The following KANSL3 variants were observed in gnomAD, a reference collection of about 807,000 sequenced individuals.
KANSL3 encodes KAT8 regulatory NSL complex subunit 3.
In KANSL3, 16 loss-of-function variants were observed where a neutral mutation model predicts 89.2. The ratio of observed to expected loss-of-function variants is 0.18; its 90% CI spans 0.12 to 0.27. The LOEUF is 0.27. Ranked by LOEUF, KANSL3 falls within the 10% of genes least tolerant of loss-of-function variation. The probability of loss-of-function intolerance (pLI) is 1.00; values close to 1 mark genes in which losing one functional copy is unlikely to be tolerated. For missense variants in KANSL3, 879 were observed against 1,110.6 expected, an observed-to-expected ratio of 0.79 and a Z score of 2.96; for synonymous variants, 385 against 419.7, an observed-to-expected ratio of 0.92 and a Z score of 1.01.
At chr2:96,608,333 G>A (rs1361521545) in intron 14 of KANSL3, among the ~76,000 whole-genome samples, 175 bp downstream of exon 14, 1 of 152,180 alleles carries the variant, frequency 6.6e-6, no homozygotes. Context: ...CTAACTCAGA[G>A]GCCTTGGCAT....
rs1267891358 is a variant in KANSL3 at position 96,602,876 on chromosome 2, T to C, written c.2150-14A>G. Reference sequence around the variant, plus strand: ...CTGATGTGGCCCCTAAGAGAGGACATAGCAGGAATCAGTAGAGACTCAATC... The same window carrying C: ...CTGATGTGGCCCCTAAGAGAGGACACAGCAGGAATCAGTAGAGACTCAATC... On this transcript the variant is annotated splice_polypyrimidine_tract_variant and intron_variant, in intron 17 of 20. Coordinates refer to ENST00000431828, the MANE Select transcript of KANSL3 (RefSeq NM_001115016.3). The C allele has an allele frequency of 2.5e-6, 4 of 1,611,976 alleles. No individual in the cohort carries two copies. The highest frequency in any genetic ancestry group is 2.2e-5 in the East Asian group (1 of 44,840).
At position 96,602,178 on chromosome 2, in the gene KANSL3, C is replaced by A; in HGVS notation, c.2420G>T (p.Gly807Val). The change falls in exon 19 of 21, where the codon GGG becomes GTG. Residue 807 changes from glycine (G) to valine (V), a missense_variant. Physicochemically the swap from Gly to Val is moderately radical, Grantham distance 109. This residue lies in a region of KANSL3 where 89 missense variants were observed against 139.7 expected (regional missense o/e 0.64). Transcript: ENST00000431828. ...GCTGCTTGCCAACTTAGCGAGGCCC[C>A]CATTGGTCAGCAGCTGGTGGATGGC... Reference protein sequence around the residue: ...PTAIHQLLTNGGLAKLASSLP... With the variant: ...PTAIHQLLTNVGLAKLASSLP... The A allele has an allele frequency of 6.2e-7, 1 of 1,604,154 alleles. No homozygotes were observed. The highest frequency in any genetic ancestry group is 2.2e-5 in the East Asian group (1 of 44,448).
chr2:96,599,230 T>C (rs1402121592), intron 20 of KANSL3, among the ~76,000 whole-genome samples: 2 of 152,134 alleles, frequency 1.3e-5, no homozygotes, highest in Non-Finnish European at 1.5e-5. Context: ...TCACTTAACA[T>C]ACAAAAGTGA....
intron 2 of KANSL3, among the ~76,000 whole-genome samples, chr2:96,633,647 C>G (rs1324148073): frequency 6.6e-6 from 1 of 151,460 alleles, no homozygotes. Flanking sequence ...ATGCGGATTG[C>G]CTGAGCTCAG....
In KANSL3 at chr2:96,615,165, CAAAAA is replaced by C. The variant is rs35960339; in HGVS notation, c.664-1551_664-1547del. On this transcript the variant is annotated intron_variant, in intron 5 of 20. Coordinates refer to ENST00000431828, the MANE Select transcript of KANSL3 (RefSeq NM_001115016.3). ...CCTGGGAAACAGAGGGAGACTGTCTCAAAAAAAAAAAAAAAAAAAAAAAGACAAAA... is the reference window on the plus strand; with the variant it reads ...CCTGGGAAACAGAGGGAGACTGTCTCAAAAAAAAAAAAAAAAAAGACAAAA... 7.5e-4 allele frequency: 62 copies of C among 83,022 alleles called. 2 individuals are homozygous for C. In the East Asian group the frequency reaches 9.0e-3, roughly 12 times the overall value. The allele number at this position is 83,022 out of a possible 1,614,324, so 5.1% of individuals were successfully genotyped here.
intron 11 of KANSL3, 119 bp downstream of exon 11, chr2:96,610,607 G>A (rs1034878986): frequency 1.2e-5 from 14 of 1,157,644 alleles, no homozygotes; most frequent in Middle Eastern, 6.0e-4. Flanking sequence ...GAGCCACCGC[G>A]CCCGGCTAAT....
At chr2:96,590,330 G>A (rs948278243), downstream of KANSL3, among the ~76,000 whole-genome samples, 1 of 151,254 alleles carries the variant, frequency 6.6e-6, no homozygotes, top group Non-Finnish European at 1.5e-5. Context: ...GTCTCACTCT[G>A]TTGCTCAGAT....
At chr2:96,613,455 T>TCCTG in intron 6 of KANSL3, 33 bp downstream of exon 6, 2 of 1,569,456 alleles carry the variant, frequency 1.3e-6, no homozygotes, top group Non-Finnish European at 1.7e-6. Flanking sequence ...AATTTTTATG[T>TCCTG]ACCATTGTTA....
At chr2:96,603,273 AG>A (rs2067451319) in intron 17 of KANSL3, 2 of 158,316 alleles carry the variant, frequency 1.3e-5, no homozygotes, top group Non-Finnish European at 1.4e-5. Context: ...TTAAAGGAAA[AG>A]GGTTTATTTT....
downstream of KANSL3, among the ~76,000 whole-genome samples, chr2:96,592,461 G>A (rs2066293655): frequency 6.6e-6 from 1 of 152,188 alleles, no homozygotes; most frequent in African/African-American, 2.4e-5. Flanking sequence ...CGTAGGCTCA[G>A]CCAAGAGCCC....
At chr2:96,581,815 C>CA in the KANSL3 span, among the ~76,000 whole-genome samples, 1 of 152,108 alleles carries the variant, frequency 6.6e-6, no homozygotes, top group Non-Finnish European at 1.5e-5. Context: ...ATTTCAAACA[C>CA]AGAGAAAAAA....
At chr2:96,610,111 C>T in intron 11 of KANSL3, among the ~76,000 whole-genome samples, 1 of 151,740 alleles carries the variant, frequency 6.6e-6, no homozygotes, top group Non-Finnish European at 1.5e-5. Context: ...AGGGAAACAA[C>T]TGATGAAACA....
the KANSL3 span, among the ~76,000 whole-genome samples, chr2:96,585,611 G>A: frequency 6.6e-6 from 1 of 152,064 alleles, no homozygotes; most frequent in Non-Finnish European, 1.5e-5. Context: ...TCCCACTACT[G>A]GGTATCTACC....
chr2:96,634,882 G>A (rs1057378149), intron 2 of KANSL3, among the ~76,000 whole-genome samples: 1 of 152,094 alleles, frequency 6.6e-6, no homozygotes, highest in African/African-American at 2.4e-5. Flanking sequence ...CCTAACTCAT[G>A]GCACCACCCA....
intron 5 of KANSL3, among the ~76,000 whole-genome samples, chr2:96,614,692 A>G (rs2069625973): frequency 6.6e-6 from 1 of 151,262 alleles, no homozygotes; most frequent in Non-Finnish European, 1.5e-5. Context: ...AATCACCTGA[A>G]CCCGGGAGGT....
Position 96,604,843 on chromosome 2 carries a change from T to C in KANSL3, c.1954A>G (p.Thr652Ala). 2 of 1,596,878 alleles carry C rather than the reference T, an allele frequency of 1.3e-6. No homozygotes were observed. Among genetic ancestry groups the C allele is most frequent in the South Asian group, 1.1e-5 (1 of 87,534 alleles). The change falls in exon 16 of 21, where the codon ACC becomes GCC. Residue 652 changes from threonine to alanine, a missense_variant. By Grantham distance (58) the Thr-to-Ala change is moderately conservative. This residue lies in a region of KANSL3 where 317 missense variants were observed against 311.2 expected (regional missense o/e 1.02). Transcript: ENST00000431828. ...APEAAGGKPI[T>A]MTLGQASAGA... ...GCTGAAGCCTGCCCCAGTGTCATGGTGATGGGCTTCCCACCTGCAGCTTCA... is the reference window on the plus strand; with the variant it reads ...GCTGAAGCCTGCCCCAGTGTCATGGCGATGGGCTTCCCACCTGCAGCTTCA...
In KANSL3 at chr2:96,637,195, A is replaced by G. The variant is rs2074361784; in HGVS notation, c.-50-10T>C. On this transcript the variant is annotated splice_polypyrimidine_tract_variant and intron_variant, in intron 1 of 20. Coordinates refer to ENST00000431828, the MANE Select transcript of KANSL3 (RefSeq NM_001115016.3). ...TCTGCATGCTAGTCACCTGCAGTGAAAAGTTTCAGTTTAGGTCAATTCCAA... is the reference window on the plus strand; with the variant it reads ...TCTGCATGCTAGTCACCTGCAGTGAGAAGTTTCAGTTTAGGTCAATTCCAA... The G allele has an allele frequency of 3.5e-6, 4 of 1,145,630 alleles. No individual in the cohort carries two copies. The highest frequency in any genetic ancestry group is 1.5e-5 in the African/African-American group (1 of 64,672). 71.0% of individuals were successfully genotyped at this position (1,145,630 alleles called of 1,614,324 possible).
chr2:96,612,643 A>C, intron 7 of KANSL3, 80 bp from the exon 8 acceptor site: 1 of 1,297,088 alleles, frequency 7.7e-7, no homozygotes, highest in Non-Finnish European at 1.1e-6. Context: ...CCTAAACCCA[A>C]AACCTTGGAA....
chr2:96,598,631 C>T (rs2066781062), intron 20 of KANSL3, among the ~76,000 whole-genome samples: 1 of 152,046 alleles, frequency 6.6e-6, no homozygotes, highest in African/African-American at 2.4e-5. Context: ...AAACGTTGGC[C>T]GGACATGATG....
Sources: allele counts gnomAD v4.1 joint callset (sites outside exome capture counted in the v4.1 genomes callset), GRCh38; gene constraint gnomAD v4.1.1; regional missense constraint gnomAD v4.1.1; transcripts MANE v1.5; gene names NCBI Gene and HGNC (gene_info 2026-07-23, HGNC 2026-07-21).